The following TENT5D variants were observed in gnomAD, a reference collection of about 807,000 sequenced individuals.
TENT5D encodes the protein cancer/testis antigen 112.
For synonymous variants in TENT5D, 103 were observed against 100.6 expected (o/e 1.02, Z -0.15); for missense variants, 191 against 287.0 (o/e 0.67, Z 2.42).
chrX:80,378,268 T>G (rs1159080541), intron 3 of TENT5D, among the ~76,000 whole-genome samples: 3 of 111,808 alleles, frequency 2.7e-5, no homozygotes, highest in African/African-American at 9.8e-5. Flanking sequence ...ATTTTGGCTT[T>G]TGTTGCCATT....
At chrX:80,341,395 A>G (rs182572313) in intron 2 of TENT5D, among the ~76,000 whole-genome samples, 1 of 112,298 alleles carries the variant, frequency 8.9e-6, no homozygotes, top group African/African-American at 3.2e-5. Context: ...TCAATGAAAT[A>G]TTGATTGCCT....
At chrX:80,363,684 G>A (rs1453898657) in intron 3 of TENT5D, among the ~76,000 whole-genome samples, 2 of 111,853 alleles carry the variant, frequency 1.8e-5, no homozygotes, top group South Asian at 7.4e-4. Flanking sequence ...CTCTGCCCAT[G>A]CCTTCTCAGT....
chrX:80,414,389 C>A (rs1424128016), intron 3 of TENT5D, among the ~76,000 whole-genome samples: 1 of 111,520 alleles, frequency 9.0e-6, no homozygotes, highest in Non-Finnish European at 1.9e-5. Flanking sequence ...TCATGGCCAC[C>A]AAAATGTGAA....
At chrX:80,357,104 T>A (rs1044545528) in intron 3 of TENT5D, among the ~76,000 whole-genome samples, 1 of 112,230 alleles carries the variant, frequency 8.9e-6, no homozygotes, top group East Asian at 2.8e-4. Flanking sequence ...TCATTTTTTC[T>A]GGCTGCATAG....
intron 2 of TENT5D, among the ~76,000 whole-genome samples, chrX:80,342,309 A>C (rs939804892): frequency 7.2e-5 from 8 of 111,235 alleles, no homozygotes; most frequent in African/African-American, 2.3e-4. Flanking sequence ...TATTTGGCCC[A>C]AAAACCATAC....
intron 3 of TENT5D, among the ~76,000 whole-genome samples, chrX:80,365,370 T>G (rs934408899): frequency 1.8e-5 from 2 of 111,802 alleles, no homozygotes; most frequent in Non-Finnish European, 3.8e-5. Flanking sequence ...GAAAGTCACC[T>G]GATACAGAGT....
At chrX:80,444,398 G>A (rs1014763102) in exon 3 of TENT5D, 2 of 122,162 alleles carry the variant, frequency 1.6e-5, no homozygotes, top group Non-Finnish European at 3.8e-5. Context: ...TTAATTTGTG[G>A]ATTTGAATAA....
At chrX:80,391,655 A>T in intron 3 of TENT5D, among the ~76,000 whole-genome samples, 1 of 112,517 alleles carries the variant, frequency 8.9e-6, no homozygotes, top group Non-Finnish European at 1.9e-5. Context: ...AACCCTGAGA[A>T]GTATAAAGTA....
At chrX:80,442,689 A>G in exon 3 of TENT5D, 1 of 1,211,163 alleles carries the variant, frequency 8.3e-7, no homozygotes, top group Non-Finnish European at 1.1e-6. Flanking sequence ...TGAAAGATCA[A>G]CTCATAGGGC....
intron 3 of TENT5D, among the ~76,000 whole-genome samples, chrX:80,376,261 AG>A (rs992266460): frequency 5.4e-5 from 6 of 111,775 alleles, no homozygotes; most frequent in African/African-American, 1.9e-4. Context: ...AAATCAATAA[AG>A]TACTGAAAAG....
chrX:80,363,660 T>G (rs899573799), intron 3 of TENT5D, among the ~76,000 whole-genome samples: 1 of 112,245 alleles, frequency 8.9e-6, no homozygotes, highest in South Asian at 3.7e-4. Context: ...ATACTGTTCT[T>G]GTTTTACTCC....
chrX:80,353,486 T>C (rs902481473), intron 3 of TENT5D, among the ~76,000 whole-genome samples: 2 of 111,527 alleles, frequency 1.8e-5, no homozygotes, highest in Non-Finnish European at 3.8e-5. Context: ...TTTGTGTCTA[T>C]GTGTACTCAA....
intron 3 of TENT5D, among the ~76,000 whole-genome samples, chrX:80,406,098 G>A (rs1354788184): frequency 3.6e-5 from 4 of 109,998 alleles, no homozygotes; most frequent in Non-Finnish European, 5.7e-5. Context: ...AAACCCATCT[G>A]TACATCACCA....
chrX:80,443,230 A>T (rs1290197935), exon 3 of TENT5D: 1 of 1,211,130 alleles, frequency 8.3e-7, no homozygotes. Context: ...ACCTGAAGAG[A>T]TTAGAGGTGG....
At chrX:80,426,980 C>T (rs1403373070) in intron 1 of TENT5D, among the ~76,000 whole-genome samples, 1 of 111,135 alleles carries the variant, frequency 9.0e-6, no homozygotes, top group Admixed American at 9.6e-5. Flanking sequence ...TCAGGGGTTT[C>T]CACTTTTGCT....
intron 3 of TENT5D, among the ~76,000 whole-genome samples, chrX:80,392,891 G>A (rs1480281735): frequency 9.0e-6 from 1 of 110,987 alleles, no homozygotes; most frequent in Non-Finnish European, 1.9e-5. Flanking sequence ...TTTCAGTGAT[G>A]CCCATCATTT....
intron 3 of TENT5D, among the ~76,000 whole-genome samples, chrX:80,383,724 T>A (rs1930927139): frequency 9.0e-6 from 1 of 110,793 alleles, no homozygotes; most frequent in African/African-American, 3.3e-5. Flanking sequence ...GGCATGGTGG[T>A]GGGCACCTGT....
At chrX:80,362,540 C>A (rs773718497) in intron 3 of TENT5D, among the ~76,000 whole-genome samples, 1 of 112,035 alleles carries the variant, frequency 8.9e-6, no homozygotes, top group Non-Finnish European at 1.9e-5. Context: ...TCTTCTACTC[C>A]CTATGTAGTA....
chrX:80,369,106 G>A (rs2147525430), intron 3 of TENT5D, among the ~76,000 whole-genome samples: 1 of 111,572 alleles, frequency 9.0e-6, no homozygotes, highest in Admixed American at 9.6e-5. Context: ...GGTTATTTTT[G>A]CTGCAGTTAT....
Sources: gnomAD v4.1 joint callset for allele counts (sites outside exome capture counted in the v4.1 genomes callset) on GRCh38, gnomAD v4.1.1 for gene constraint, MANE v1.5 for transcripts, NCBI Gene and HGNC (gene_info 2026-07-23, HGNC 2026-07-21) for gene names.